The following ARHGAP24 variants were observed in gnomAD, a reference collection of about 807,000 sequenced individuals.
The protein encoded by ARHGAP24 is Rho GTPase activating protein 24.
Under a neutral mutation model 76.4 loss-of-function variants are expected in ARHGAP24, and 50 were observed. The observed-to-expected ratio is 0.65, with a 90% CI of 0.52 to 0.83. The LOEUF is 0.83. Among genes scored for constraint, ARHGAP24 ranks in the 40% least tolerant of loss-of-function variants. ARHGAP24 has a pLI of 0.00. For synonymous variants in ARHGAP24, 345 were observed against 323.3 expected (o/e 1.07, Z -0.72); for missense variants, 930 against 914.2 (o/e 1.02, Z -0.22).
intron 3 of ARHGAP24, among the ~76,000 whole-genome samples, chr4:85,914,282 C>T (rs1368320448): frequency 1.3e-5 from 2 of 152,178 alleles, no homozygotes; most frequent in African/African-American, 4.8e-5. Flanking sequence ...AATTTATAGC[C>T]TCTACCTGCT....
intron 2 of ARHGAP24, among the ~76,000 whole-genome samples, chr4:85,651,088 T>C (rs1721925462): frequency 1.3e-5 from 2 of 149,048 alleles, no homozygotes; most frequent in Non-Finnish European, 2.9e-5. Flanking sequence ...CAGCAGCGTA[T>C]GCAAAGGCCT....
intron 7 of ARHGAP24, 136 bp downstream of exon 7, chr4:85,975,097 A>G: frequency 2.6e-6 from 2 of 776,800 alleles, no homozygotes; most frequent in Non-Finnish European, 4.4e-6. Flanking sequence ...AAAAGATTGG[A>G]CAAGGTGATC....
At position 86,000,608 on chromosome 4, in the gene ARHGAP24, C is replaced by T. The variant is rs762010260; in HGVS notation, c.2133C>T (p.Ala711=). The T allele has an allele frequency of 4.6e-5, 75 of 1,613,586 alleles. No individual in the cohort carries two copies. Among genetic ancestry groups the T allele is most frequent in the African/African-American group, 1.5e-4 (11 of 74,768 alleles). Residue 711 remains alanine, a synonymous_variant, in exon 10 of 10, where the codon GCC becomes GCT. Transcript: ENST00000395184. ...MRNAERAKED[A]EKRNDMLQKE... ...ATGCCGAGCGAGCAAAAGAAGATGCCGAGAAAAGAAATGACATGCTACAGA... is the reference window on the plus strand; with the variant it reads ...ATGCCGAGCGAGCAAAAGAAGATGCTGAGAAAAGAAATGACATGCTACAGA...
chr4:85,550,425 A>G (rs547741818), intron 1 of ARHGAP24, among the ~76,000 whole-genome samples: 16 of 152,272 alleles, frequency 1.1e-4, no homozygotes, highest in African/African-American at 3.9e-4. Flanking sequence ...TTGTAACAAT[A>G]TCATGCTGTT....
chr4:85,638,526 T>A (rs1168205906), intron 2 of ARHGAP24, among the ~76,000 whole-genome samples: 1 of 152,172 alleles, frequency 6.6e-6, no homozygotes, highest in Non-Finnish European at 1.5e-5. Context: ...AAGGAAACCC[T>A]ATTCCTGTCC....
intron 2 of ARHGAP24, among the ~76,000 whole-genome samples, chr4:85,577,580 G>A (rs573460592): frequency 1.4e-4 from 21 of 152,326 alleles, no homozygotes; most frequent in African/African-American, 4.6e-4. Flanking sequence ...AGAGGAGCGC[G>A]AGAGTGAGAA....
chr4:85,592,513 A>T (rs1201781751), intron 2 of ARHGAP24, among the ~76,000 whole-genome samples: 2 of 152,190 alleles, frequency 1.3e-5, no homozygotes, highest in African/African-American at 4.8e-5. Context: ...TAGTTATTTT[A>T]AAATTTACAG....
intron 9 of ARHGAP24, 153 bp from the exon 10 acceptor site, chr4:86,000,326 C>A (rs1298798827): frequency 3.0e-6 from 2 of 664,050 alleles, no homozygotes; most frequent in Non-Finnish European, 2.6e-6. Context: ...AAATTACATC[C>A]TTTAAATCAT....
chr4:85,834,179 CAGAG>C (rs1730144906), intron 3 of ARHGAP24, among the ~76,000 whole-genome samples: 1 of 151,934 alleles, frequency 6.6e-6, no homozygotes, highest in African/African-American at 2.4e-5. Context: ...GGGAAGTTAT[CAGAG>C]AGAATAAAAA....
At chr4:85,804,403 A>G (rs1177382744) in intron 3 of ARHGAP24, among the ~76,000 whole-genome samples, 3 of 152,304 alleles carry the variant, frequency 2.0e-5, no homozygotes, top group South Asian at 2.1e-4. Flanking sequence ...ATAATATACT[A>G]TGTAAATTTA....
intron 1 of ARHGAP24, among the ~76,000 whole-genome samples, chr4:85,561,427 A>C (rs1340055048): frequency 6.6e-6 from 1 of 152,206 alleles, no homozygotes; most frequent in Non-Finnish European, 1.5e-5. Flanking sequence ...TGTCGGCACC[A>C]CATTTTGATT....
chr4:85,603,886 C>G (rs924294223), intron 2 of ARHGAP24, among the ~76,000 whole-genome samples: 2 of 151,910 alleles, frequency 1.3e-5, no homozygotes, highest in African/African-American at 4.8e-5. Context: ...TCTTTGAAGT[C>G]TAAGTTTTTA....
At chr4:85,649,439 CAG>C (rs1185095587) in intron 2 of ARHGAP24, among the ~76,000 whole-genome samples, 2 of 152,084 alleles carry the variant, frequency 1.3e-5, no homozygotes, top group African/African-American at 4.8e-5. Flanking sequence ...ATGGCACAAA[CAG>C]AACTCAAACC....
intron 2 of ARHGAP24, among the ~76,000 whole-genome samples, chr4:85,573,460 T>C (rs1230975852): frequency 6.6e-6 from 1 of 152,182 alleles, no homozygotes; most frequent in African/African-American, 2.4e-5. Flanking sequence ...AATGAGTTAA[T>C]GAGTCAGTGG....
At chr4:85,934,269 A>G (rs1736507650) in intron 4 of ARHGAP24, among the ~76,000 whole-genome samples, 1 of 152,136 alleles carries the variant, frequency 6.6e-6, no homozygotes, top group Non-Finnish European at 1.5e-5. Context: ...AATTCTAACA[A>G]TTCCCTGGAG....
At chr4:85,617,453 C>G (rs1437771362) in intron 2 of ARHGAP24, among the ~76,000 whole-genome samples, 1 of 151,906 alleles carries the variant, frequency 6.6e-6, no homozygotes, top group Non-Finnish European at 1.5e-5. Context: ...TATTGTTCCT[C>G]TTTGTTATAA....
intron 3 of ARHGAP24, among the ~76,000 whole-genome samples, chr4:85,820,256 T>C (rs570040092): frequency 6.6e-6 from 1 of 152,300 alleles, no homozygotes; most frequent in South Asian, 2.1e-4. Context: ...AGCAGTAGAC[T>C]GGATAAAGAC....
At chr4:85,553,498 C>T (rs1341462660) in intron 1 of ARHGAP24, among the ~76,000 whole-genome samples, 1 of 152,156 alleles carries the variant, frequency 6.6e-6, no homozygotes, top group Non-Finnish European at 1.5e-5. Context: ...ACACAGAGCG[C>T]TGATTGGTGC....
At chr4:85,626,190 T>A (rs1195966703) in intron 2 of ARHGAP24, among the ~76,000 whole-genome samples, 3 of 152,202 alleles carry the variant, frequency 2.0e-5, no homozygotes, top group Non-Finnish European at 2.9e-5. Context: ...ATTTGGCATG[T>A]TTTTGCAGTG....
Sources: gnomAD v4.1 joint callset for allele counts (sites outside exome capture counted in the v4.1 genomes callset) on GRCh38, gnomAD v4.1.1 for gene constraint, MANE v1.5 for transcripts, NCBI Gene and HGNC (gene_info 2026-07-23, HGNC 2026-07-21) for gene names.